The following R3HDM1 variants were observed in gnomAD, a reference collection of about 807,000 sequenced individuals.
R3HDM1 encodes the protein R3H domain containing 1.
Under a neutral mutation model 141.1 loss-of-function variants are expected in R3HDM1, and 46 were observed. That is an observed-to-expected ratio of 0.33 (90% CI 0.26 to 0.42). R3HDM1 has a LOEUF of 0.42. Among genes scored for constraint, R3HDM1 ranks in the 10% least tolerant of loss-of-function variants. The pLI is 1.00. For synonymous variants in R3HDM1, 435 were observed against 472.9 expected, an observed-to-expected ratio of 0.92 and a Z score of 1.04; for missense variants, 1,184 against 1,368.3, an observed-to-expected ratio of 0.87 and a Z score of 2.12.
intron 1 of R3HDM1, among the ~76,000 whole-genome samples, chr2:135,535,576 G>A (rs1045458723): frequency 1.3e-5 from 2 of 151,784 alleles, no homozygotes; most frequent in East Asian, 1.9e-4. Context: ...AAGGAAGTCA[G>A]TTTTTTCTCA....
chr2:135,584,352 A>G (rs1365831689), intron 1 of R3HDM1: 6 of 916,560 alleles, frequency 6.5e-6, no homozygotes, highest in Non-Finnish European at 6.5e-6. Context: ...ATATTAACTC[A>G]AATTTCTGTT....
At chr2:135,699,032 T>TAGAC (rs1553629945) in intron 21 of R3HDM1, among the ~76,000 whole-genome samples, 1 of 95,418 alleles carries the variant, frequency 1.0e-5, no homozygotes, top group Admixed American at 1.1e-4. Context: ...GATAGATAGA[T>TAGAC]AGATAGATAG....
chr2:135,666,935 A>AAG (rs1260897945), intron 19 of R3HDM1: 1 of 272,800 alleles, frequency 3.7e-6, no homozygotes. Flanking sequence ...AAAAAAAAAA[A>AAG]AGAAAACTAC....
intron 1 of R3HDM1, among the ~76,000 whole-genome samples, chr2:135,596,802 A>G (rs1175604279): frequency 6.6e-6 from 1 of 152,200 alleles, no homozygotes; most frequent in Non-Finnish European, 1.5e-5. Context: ...CAGTTTTCCT[A>G]TTAATACAAC....
At chr2:135,667,794 C>T in intron 19 of R3HDM1, 1 of 956,960 alleles carries the variant, frequency 1.0e-6, no homozygotes, top group African/African-American at 1.8e-5. Context: ...ACTTGGCAGT[C>T]TTCAAACTAT....
At chr2:135,535,742 T>A (rs950128104) in intron 1 of R3HDM1, among the ~76,000 whole-genome samples, 3 of 152,154 alleles carry the variant, frequency 2.0e-5, no homozygotes, top group African/African-American at 7.2e-5. Context: ...AAGGAAGTTA[T>A]ATAATTAAAC....
chr2:135,611,162 C>T (rs2060506474), intron 3 of R3HDM1, among the ~76,000 whole-genome samples: 1 of 151,292 alleles, frequency 6.6e-6, no homozygotes, highest in South Asian at 2.1e-4. Flanking sequence ...TGGTTCACGC[C>T]TGTAATCCCA....
chr2:135,581,398 A>C, intron 1 of R3HDM1: 1 of 983,616 alleles, frequency 1.0e-6, no homozygotes, highest in Non-Finnish European at 1.2e-6. Flanking sequence ...CCTTATTTCT[A>C]TAATTATCTG....
At chr2:135,665,125 A>G (rs745375687) in intron 19 of R3HDM1, among the ~76,000 whole-genome samples, 3 of 152,234 alleles carry the variant, frequency 2.0e-5, no homozygotes, top group Admixed American at 6.5e-5. Context: ...AACTATTTCA[A>G]AAGATCAGAT....
intron 1 of R3HDM1, chr2:135,577,233 C>T (rs2105015645): frequency 1.0e-6 from 1 of 980,080 alleles, no homozygotes; most frequent in Admixed American, 6.2e-5. Context: ...GAAAATTTTA[C>T]ATGGCAAAAA....
intron 5 of R3HDM1, among the ~76,000 whole-genome samples, chr2:135,619,063 A>G (rs923192221): frequency 2.6e-5 from 4 of 152,064 alleles, no homozygotes; most frequent in African/African-American, 7.2e-5. Context: ...AAGTCAGAGT[A>G]AAGAATACGC....
rs778060309 is a variant in R3HDM1 at position 135,715,593 on chromosome 2, C to T, written c.2780C>T (p.Ser927Leu). ...AGCCCCATTATTTCACCAGCTCAGT[C>T]GCCAGCACCAGCTCAGCTGTCCACC... is the stretch of plus-strand genomic sequence containing the variant. ...LSSPIISPAQ[S>L]PAPAQLSTLK... The change falls in exon 24 of 27, where the codon TCG (serine) becomes TTG (leucine). Residue 927 changes from serine to leucine, a missense_variant. Ser to Leu is a moderately radical substitution (Grantham distance 145, BLOSUM62 -2). Around this residue, in one of 5 missense-constraint regions of R3HDM1, gnomAD observed 563 missense variants for 562.0 expected, o/e 1.00. Coordinates refer to ENST00000683871, the MANE Select transcript of R3HDM1 (RefSeq NM_001378107.1). 2.5e-6 allele frequency: 4 copies of T among 1,613,984 alleles called. No individual in the cohort carries two copies. The highest frequency in any genetic ancestry group is 2.2e-5 in the East Asian group (1 of 44,894).
intron 24 of R3HDM1, among the ~76,000 whole-genome samples, chr2:135,717,858 A>G (rs1559510938): frequency 6.6e-6 from 1 of 152,174 alleles, no homozygotes; most frequent in South Asian, 2.1e-4. Flanking sequence ...AGAATTGAAA[A>G]CATGTTCACA....
chr2:135,629,981 T>C (rs1356597507), intron 7 of R3HDM1, among the ~76,000 whole-genome samples: 1 of 150,830 alleles, frequency 6.6e-6, no homozygotes, highest in Non-Finnish European at 1.5e-5. Context: ...GTTGTGGCAG[T>C]AGAAAAATAG....
intron 6 of R3HDM1, chr2:135,621,959 T>C (rs2061549654): frequency 2.0e-6 from 2 of 983,412 alleles, no homozygotes; most frequent in Non-Finnish European, 2.4e-6. Flanking sequence ...GATGTCATAA[T>C]ATTGAGTATC....
chr2:135,703,139 A>T (rs1054253718), intron 21 of R3HDM1, among the ~76,000 whole-genome samples: 1 of 152,200 alleles, frequency 6.6e-6, no homozygotes, highest in Non-Finnish European at 1.5e-5. Flanking sequence ...CATCTTTTCC[A>T]TTAAATATAT....
chr2:135,553,550 G>A (rs909588810), intron 1 of R3HDM1, among the ~76,000 whole-genome samples: 2 of 152,088 alleles, frequency 1.3e-5, no homozygotes, highest in Non-Finnish European at 2.9e-5. Context: ...GCTGATGCCC[G>A]ATCAAGCACT....
intron 11 of R3HDM1, 113 bp downstream of exon 11, chr2:135,636,296 A>G: frequency 7.0e-7 from 1 of 1,426,624 alleles, no homozygotes; most frequent in Non-Finnish European, 9.2e-7. Context: ...CATTTGTTGC[A>G]CATAAGGTCA....
At chr2:135,705,582 C>T (rs910700727) in intron 21 of R3HDM1, among the ~76,000 whole-genome samples, 9 of 151,728 alleles carry the variant, frequency 5.9e-5, no homozygotes, top group Non-Finnish European at 1.2e-4. Context: ...GCTTCAGTAA[C>T]CTATGATAAC....
Sources: gnomAD v4.1 joint callset for allele counts (sites outside exome capture counted in the v4.1 genomes callset) on GRCh38, gnomAD v4.1.1 for gene constraint, gnomAD v4.1.1 regional missense constraint, MANE v1.5 for transcripts, NCBI Gene and HGNC (gene_info 2026-07-23, HGNC 2026-07-21) for gene names.